Variants in MDGA2 observed in about 807,000 individuals in gnomAD.
MDGA2 encodes MAM domain-containing glycosylphosphatidylinositol anchor protein 2.
Under a neutral mutation model 117.8 loss-of-function variants are expected in MDGA2, and 40 were observed. That is an observed-to-expected ratio of 0.34 (90% confidence interval 0.26 to 0.44). The LOEUF (loss-of-function observed/expected upper bound fraction) is 0.44. MDGA2 is among the 20% of genes least tolerant of loss of function. MDGA2 has a pLI of 1.00. For missense variants in MDGA2, 1,123 were observed against 1,250.6 expected, an observed-to-expected ratio of 0.90 and a Z score of 1.54; for synonymous variants, 452 against 439.0, an observed-to-expected ratio of 1.03 and a Z score of -0.37.
chr14:47,068,788 C>G (rs575395359), intron 6 of MDGA2, among the ~76,000 whole-genome samples: 250 of 152,130 alleles, frequency 1.6e-3, no homozygotes, highest in Non-Finnish European at 2.6e-3. Context: ...AATAGTACAT[C>G]CTTAATATTT....
At chr14:46,844,765 T>TA (rs1880757741) in intron 16 of MDGA2, among the ~76,000 whole-genome samples, 1 of 152,160 alleles carries the variant, frequency 6.6e-6, no homozygotes, top group Admixed American at 6.5e-5. Flanking sequence ...ATAATCCGCA[T>TA]AATCCCCATG....
chr14:47,320,990 A>G (rs1889962504), intron 1 of MDGA2, among the ~76,000 whole-genome samples: 1 of 152,222 alleles, frequency 6.6e-6, no homozygotes, highest in South Asian at 2.1e-4. Context: ...CTTCATCGGC[A>G]GAGGAGTTTC....
At chr14:47,362,451 C>T (rs945113386) in intron 1 of MDGA2, among the ~76,000 whole-genome samples, 2 of 152,026 alleles carry the variant, frequency 1.3e-5, no homozygotes, top group Admixed American at 1.3e-4. Flanking sequence ...TATAAGTATT[C>T]TGCCAAATAA....
At chr14:47,084,583 C>G (rs1361563091) in intron 6 of MDGA2, among the ~76,000 whole-genome samples, 2 of 151,838 alleles carry the variant, frequency 1.3e-5, no homozygotes, top group East Asian at 3.9e-4. Flanking sequence ...ATGTGTTTTC[C>G]CAACATTTCT....
At chr14:47,495,646 G>C (rs1343812545) in intron 1 of MDGA2, among the ~76,000 whole-genome samples, 1 of 152,122 alleles carries the variant, frequency 6.6e-6, no homozygotes, top group African/African-American at 2.4e-5. Flanking sequence ...AAATGTGATA[G>C]ACCTACCTTC....
intron 5 of MDGA2, among the ~76,000 whole-genome samples, chr14:47,122,255 C>G (rs1453864203): frequency 1.3e-5 from 2 of 151,976 alleles, no homozygotes; most frequent in Non-Finnish European, 2.9e-5. Flanking sequence ...TAGAGAGAAC[C>G]AGAATCCACA....
At chr14:46,865,522 TGTTGGAAGTTCTGGCCA>T (rs1186619040) in intron 14 of MDGA2, among the ~76,000 whole-genome samples, 2 of 152,116 alleles carry the variant, frequency 1.3e-5, no homozygotes, top group East Asian at 3.9e-4. Context: ...TTCAACATAG[TGTTGGAAGTTCTGGCCA>T]GGGCAATTAG....
intron 2 of MDGA2, among the ~76,000 whole-genome samples, chr14:47,292,548 C>T (rs1249367898): frequency 1.3e-5 from 2 of 152,118 alleles, no homozygotes; most frequent in African/African-American, 4.8e-5. Flanking sequence ...TAAGAGCCCT[C>T]AAAAGGCTTT....
At chr14:47,191,970 T>C (rs1885128048) in intron 3 of MDGA2, among the ~76,000 whole-genome samples, 1 of 152,146 alleles carries the variant, frequency 6.6e-6, no homozygotes, top group Non-Finnish European at 1.5e-5. Context: ...AGTAACTGAC[T>C]GCTTGCACCT....
intron 2 of MDGA2, among the ~76,000 whole-genome samples, chr14:47,257,892 AT>A (rs896927430): frequency 6.6e-6 from 1 of 152,024 alleles, no homozygotes; most frequent in African/African-American, 2.4e-5. Context: ...CTTCTCATGT[AT>A]TTTTTTATTG....
At chr14:47,519,759 C>T (rs1383989860) in intron 1 of MDGA2, among the ~76,000 whole-genome samples, 1 of 152,070 alleles carries the variant, frequency 6.6e-6, no homozygotes, top group Non-Finnish European at 1.5e-5. Context: ...GGCATTCTTA[C>T]CTTAATAAGC....
intron 1 of MDGA2, among the ~76,000 whole-genome samples, chr14:47,326,681 T>C (rs1179314078): frequency 5.5e-5 from 5 of 91,276 alleles, no homozygotes; most frequent in East Asian, 2.3e-4. Context: ...GCCAGTAAGA[T>C]AGTATACACA....
chr14:47,389,980 C>A (rs1165263926), intron 1 of MDGA2, among the ~76,000 whole-genome samples: 1 of 152,152 alleles, frequency 6.6e-6, no homozygotes. Flanking sequence ...TATGCTCTTA[C>A]AAATAGAGGC....
intron 10 of MDGA2, among the ~76,000 whole-genome samples, chr14:46,914,018 A>C (rs1883807658): frequency 1.3e-5 from 2 of 152,194 alleles, no homozygotes; most frequent in South Asian, 4.1e-4. Context: ...CCAAAGATAC[A>C]GTCAAAAAGT....
intron 9 of MDGA2, among the ~76,000 whole-genome samples, chr14:46,949,602 C>G (rs78730293): frequency 1.3e-5 from 2 of 151,838 alleles, no homozygotes; most frequent in South Asian, 2.1e-4. Flanking sequence ...GATGAGAACA[C>G]TGAGTTTTGA....
chr14:47,628,835 G>A (rs536632779), intron 1 of MDGA2, among the ~76,000 whole-genome samples: 1 of 152,358 alleles, frequency 6.6e-6, no homozygotes, highest in East Asian at 1.9e-4. Context: ...AAGTCTCGAA[G>A]GAAACTGCTG....
At chr14:47,305,368 A>T (rs531281726) in intron 1 of MDGA2, 1 of 152,238 alleles carries the variant, frequency 6.6e-6, no homozygotes, top group South Asian at 2.1e-4. Context: ...ATTGCATGAG[A>T]CTCATATTCA....
chr14:47,306,567 T>C (rs1384545799), intron 1 of MDGA2, among the ~76,000 whole-genome samples: 1 of 152,208 alleles, frequency 6.6e-6, no homozygotes, highest in African/African-American at 2.4e-5. Context: ...GTTTTTTAGT[T>C]AAATCTCTCA....
At chr14:47,670,598 C>T (rs1898056639) in intron 1 of MDGA2, among the ~76,000 whole-genome samples, 1 of 152,094 alleles carries the variant, frequency 6.6e-6, no homozygotes, top group African/African-American at 2.4e-5. Context: ...GATCACTTAG[C>T]TCTAGGTACT....
Sources: gnomAD v4.1 joint callset for allele counts (sites outside exome capture counted in the v4.1 genomes callset) on GRCh38, gnomAD v4.1.1 for gene constraint, MANE v1.5 for transcripts, NCBI Gene and HGNC (gene_info 2026-07-23, HGNC 2026-07-21) for gene names.